Variants in HLCS observed in about 807,000 individuals in gnomAD.
HLCS encodes holocarboxylase synthetase.
Under a neutral mutation model 75.0 loss-of-function variants are expected in HLCS, and 53 were observed. That is an observed-to-expected ratio of 0.71 (90% CI 0.57 to 0.89). The LOEUF is 0.89. Ranked by LOEUF, HLCS falls within the 40% of genes least tolerant of loss-of-function variation. HLCS has a pLI of 0.00. For missense variants in HLCS, 966 were observed against 1,074.0 expected, an observed-to-expected ratio of 0.90 and a Z score of 1.41; for synonymous variants, 431 against 428.6, an observed-to-expected ratio of 1.01 and a Z score of -0.07.
chr21:36,804,514 C>T (rs2061308134), intron 6 of HLCS, among the ~76,000 whole-genome samples: 1 of 152,136 alleles, frequency 6.6e-6, no homozygotes. Flanking sequence ...CCCACCATGA[C>T]CTAGGTAGCT....
intron 1 of HLCS, among the ~76,000 whole-genome samples, chr21:36,976,966 C>T (rs2146725984): frequency 6.6e-6 from 1 of 152,232 alleles, no homozygotes; most frequent in South Asian, 2.1e-4. Flanking sequence ...ATGCAATCTA[C>T]AAACATTTGA....
chr21:36,955,082 T>C (rs1270242134), intron 2 of HLCS, among the ~76,000 whole-genome samples: 1 of 152,020 alleles, frequency 6.6e-6, no homozygotes, highest in Non-Finnish European at 1.5e-5. Context: ...AACAAAACAG[T>C]TAACTGTAAC....
rs2067291873 is a variant in HLCS, at chr21:36,944,512, A to C, written c.331-5518T>G. Among the ~76,000 whole-genome samples, 2 of 152,230 alleles carry C rather than the reference A, an allele frequency of 1.3e-5. 1 individual carries two copies. Among genetic ancestry groups the C allele is most frequent in the Non-Finnish European group, 2.9e-5 (2 of 68,028 alleles). ...AAAATCTGTGCATTTTATTTTATAT[A>C]AATTATACCTCAATTAAAAATTAAT... On this transcript the variant is annotated intron_variant, in intron 2 of 10. Transcript: ENST00000674895.
chr21:36,946,237 TTTTTTATTTTTTA>T (rs1315998876), intron 2 of HLCS: 1 of 198,688 alleles, frequency 5.0e-6, no homozygotes, highest in African/African-American at 2.4e-5. Flanking sequence ...ATCCCTCAAC[TTTTTTATTTTTTA>T]TTTTTATTTT....
At chr21:36,792,477 G>C (rs2060897841) in intron 6 of HLCS, among the ~76,000 whole-genome samples, 1 of 147,968 alleles carries the variant, frequency 6.8e-6, no homozygotes. Context: ...AAGGGAGAGG[G>C]GGAGGGAAGG....
chr21:36,770,134 A>G (rs2090179570), intron 6 of HLCS, among the ~76,000 whole-genome samples: 2 of 147,202 alleles, frequency 1.4e-5, no homozygotes, highest in African/African-American at 5.1e-5. Flanking sequence ...ATACAAAACT[A>G]TAGATGCTTT....
At chr21:36,961,484 C>A (rs1033559207) in intron 2 of HLCS, among the ~76,000 whole-genome samples, 1 of 152,068 alleles carries the variant, frequency 6.6e-6, no homozygotes, top group Non-Finnish European at 1.5e-5. Context: ...GACCACTGTA[C>A]TCCAGCCTAG....
chr21:36,977,776 C>A (rs1256978785), intron 1 of HLCS, among the ~76,000 whole-genome samples: 1 of 152,206 alleles, frequency 6.6e-6, no homozygotes, highest in Non-Finnish European at 1.5e-5. Context: ...TCTCGTTCCA[C>A]AGCTCCAATG....
chr21:36,927,565 C>A (rs938258828), intron 5 of HLCS, among the ~76,000 whole-genome samples: 5 of 152,192 alleles, frequency 3.3e-5, no homozygotes, highest in African/African-American at 1.2e-4. Context: ...TTATTTTGTT[C>A]TTTCATATCC....
At chr21:36,879,214 A>G (rs1309962171) in intron 6 of HLCS, among the ~76,000 whole-genome samples, 1 of 152,206 alleles carries the variant, frequency 6.6e-6, no homozygotes, top group Admixed American at 6.5e-5. Flanking sequence ...ACTTCTGTCA[A>G]TGTCTGCTTT....
intron 6 of HLCS, among the ~76,000 whole-genome samples, chr21:36,836,421 C>A (rs2062413561): frequency 6.6e-6 from 1 of 150,946 alleles, no homozygotes; most frequent in Non-Finnish European, 1.5e-5. Context: ...ACTAACTCGT[C>A]ATCTAGCATT....
At chr21:36,849,985 A>C (rs2062932656) in intron 6 of HLCS, among the ~76,000 whole-genome samples, 2 of 152,216 alleles carry the variant, frequency 1.3e-5, no homozygotes, top group African/African-American at 4.8e-5. Context: ...CATGGTTTAT[A>C]CTTGATTTTG....
intron 6 of HLCS, among the ~76,000 whole-genome samples, chr21:36,845,770 T>TC (rs2062777069): frequency 6.6e-6 from 1 of 152,118 alleles, no homozygotes; most frequent in African/African-American, 2.4e-5. Flanking sequence ...TAAAAAAAAG[T>TC]CCAAGTATCA....
At chr21:36,766,567 G>A (rs761834437) in intron 7 of HLCS, among the ~76,000 whole-genome samples, 1 of 152,242 alleles carries the variant, frequency 6.6e-6, no homozygotes, top group Non-Finnish European at 1.5e-5. Context: ...AGTCATAAGA[G>A]GCTGTGAGAG....
At chr21:36,867,333 T>C (rs2146212694) in intron 6 of HLCS, among the ~76,000 whole-genome samples, 1 of 152,310 alleles carries the variant, frequency 6.6e-6, no homozygotes, top group South Asian at 2.1e-4. Context: ...AGGAATGAGA[T>C]AGATCAATTG....
chr21:36,889,638 A>G (rs1284813639), intron 6 of HLCS, among the ~76,000 whole-genome samples: 1 of 152,112 alleles, frequency 6.6e-6, no homozygotes, highest in Non-Finnish European at 1.5e-5. Flanking sequence ...CCTAGACCCC[A>G]TCACCACCAA....
chr21:36,895,496 C>T (rs2064977623), intron 6 of HLCS, among the ~76,000 whole-genome samples: 1 of 152,046 alleles, frequency 6.6e-6, no homozygotes, highest in Admixed American at 6.6e-5. Flanking sequence ...CAGTACACAA[C>T]AATTACTAAT....
intron 6 of HLCS, among the ~76,000 whole-genome samples, chr21:36,827,829 T>TG (rs2062060254): frequency 6.6e-6 from 1 of 150,732 alleles, no homozygotes; most frequent in African/African-American, 2.4e-5. Flanking sequence ...TTTTTTTTTT[T>TG]TTGAGACAGA....
At chr21:36,832,069 T>C (rs2062229831) in intron 6 of HLCS, among the ~76,000 whole-genome samples, 1 of 152,156 alleles carries the variant, frequency 6.6e-6, no homozygotes, top group Non-Finnish European at 1.5e-5. Context: ...GGATGTGTTC[T>C]TGCACATAAA....
Sources: gnomAD v4.1 joint callset for allele counts (sites outside exome capture counted in the v4.1 genomes callset) on GRCh38, gnomAD v4.1.1 for gene constraint, MANE v1.5 for transcripts, NCBI Gene and HGNC (gene_info 2026-07-23, HGNC 2026-07-21) for gene names.